The following CTNNBL1 variants were observed in gnomAD, a reference collection of about 807,000 sequenced individuals.
CTNNBL1 encodes beta-catenin-like protein 1.
CTNNBL1 carries 31 observed loss-of-function variants against 72.7 expected under a neutral mutation model. The observed-to-expected ratio is 0.43, with a 90% CI of 0.32 to 0.58. CTNNBL1 has a LOEUF of 0.58. CTNNBL1 is among the 20% of genes least tolerant of loss of function. CTNNBL1 has a pLI of 0.08. For synonymous variants in CTNNBL1, 240 were observed against 267.3 expected (o/e 0.90, Z 1.00); for missense variants, 534 against 725.1 (o/e 0.74, Z 3.03).
At chr20:37,822,690 T>G (rs562035278) in intron 11 of CTNNBL1, among the ~76,000 whole-genome samples, 1 of 152,324 alleles carries the variant, frequency 6.6e-6, no homozygotes, top group South Asian at 2.1e-4. Context: ...TGAAGTGAGA[T>G]CAAAGACTCT....
chr20:37,852,204 C>T (rs1444614680), intron 13 of CTNNBL1, among the ~76,000 whole-genome samples: 5 of 152,268 alleles, frequency 3.3e-5, no homozygotes, highest in African/African-American at 1.2e-4. Context: ...TACAGTCCAA[C>T]GTACATATAG....
At chr20:37,719,330 C>A (rs1237436756) in intron 1 of CTNNBL1, among the ~76,000 whole-genome samples, 1 of 152,142 alleles carries the variant, frequency 6.6e-6, no homozygotes, top group Non-Finnish European at 1.5e-5. Context: ...GTCCTCTTCC[C>A]TTGAATTATG....
chr20:37,727,801 C>G (rs1213516422), intron 1 of CTNNBL1, among the ~76,000 whole-genome samples: 1 of 152,194 alleles, frequency 6.6e-6, no homozygotes, highest in East Asian at 1.9e-4. Flanking sequence ...GTGTTACATT[C>G]TTTTTGTGGA....
intron 4 of CTNNBL1, among the ~76,000 whole-genome samples, chr20:37,752,481 A>G (rs1430955787): frequency 6.6e-6 from 1 of 152,034 alleles, no homozygotes; most frequent in Non-Finnish European, 1.5e-5. Context: ...CTGAATCTAT[A>G]CTGGTTTATT....
At chr20:37,845,104 CTTTTAGTAAGCCT>C (rs2072336267) in intron 13 of CTNNBL1, among the ~76,000 whole-genome samples, 1 of 152,124 alleles carries the variant, frequency 6.6e-6, no homozygotes, top group African/African-American at 2.4e-5. Flanking sequence ...TTTAGTAAGC[CTTTTAGTAAGCCT>C]TTTTAGTAAG....
chr20:37,792,743 G>A lies in CTNNBL1; in HGVS notation c.1032-10124G>A, dbSNP rs528670594. On this transcript the variant is annotated intron_variant, in intron 10 of 15. Coordinates refer to ENST00000361383, the MANE Select transcript of CTNNBL1 (RefSeq NM_030877.5). Reference sequence around the variant, plus strand: ...GGATACTCAAAGGATACCCCTAAGGGATACCCCTAAGGGATACTCAACCTG... The same window carrying A: ...GGATACTCAAAGGATACCCCTAAGGAATACCCCTAAGGGATACTCAACCTG... 3.3e-5 allele frequency among the ~76,000 whole-genome samples: 5 copies of A among 152,262 alleles called. No individual in the cohort carries two copies. In the East Asian group the frequency reaches 9.6e-4, roughly 29 times the overall value.
chr20:37,840,100 AGAGCAT>A lies in CTNNBL1; in HGVS notation c.1214_1219del (p.Glu405_His406del), dbSNP rs753635135. 51 of 1,611,578 alleles carry A rather than the reference AGAGCAT, an allele frequency of 3.2e-5. No individual in the cohort carries two copies. Among genetic ancestry groups the A allele is most frequent in the Non-Finnish European group, 4.2e-5 (50 of 1,177,882 alleles). On this transcript the variant is annotated splice_acceptor_variant and coding_sequence_variant, in exon 12 of 16. Transcript: ENST00000361383. LOFTEE classifies it high-confidence loss of function. ...TGTTCTCTTTTCTCTTTCCCAACCC[AGAGCAT>A]GTCTGTTCGATCCTGGCTTCCCTCC...
At chr20:37,776,590 AT>A (rs2122686609) in intron 7 of CTNNBL1, among the ~76,000 whole-genome samples, 1 of 152,260 alleles carries the variant, frequency 6.6e-6, no homozygotes, top group African/African-American at 2.4e-5. Flanking sequence ...ATGCACCTTT[AT>A]CCAGGGGGCA....
At chr20:37,760,491 T>G (rs1169761825) in intron 5 of CTNNBL1, among the ~76,000 whole-genome samples, 1 of 152,238 alleles carries the variant, frequency 6.6e-6, no homozygotes, top group Non-Finnish European at 1.5e-5. Flanking sequence ...ATTCTGGCAC[T>G]TGTCACATTG....
intron 4 of CTNNBL1, 172 bp downstream of exon 4, chr20:37,746,779 G>T: frequency 1.1e-6 from 1 of 913,646 alleles, no homozygotes; most frequent in Non-Finnish European, 1.7e-6. Context: ...TGAAAACCTG[G>T]TTTTTCTCTA....
intron 15 of CTNNBL1, among the ~76,000 whole-genome samples, chr20:37,861,578 T>C (rs971557639): frequency 2.6e-5 from 4 of 152,226 alleles, no homozygotes; most frequent in African/African-American, 9.7e-5. Context: ...TCAGAGAGCT[T>C]ACCTTTCAGT....
chr20:37,723,103 G>T (rs1323971065), intron 1 of CTNNBL1, among the ~76,000 whole-genome samples: 3 of 152,210 alleles, frequency 2.0e-5, no homozygotes, highest in African/African-American at 7.2e-5. Context: ...AATCAGAGCA[G>T]ATGTCAAAGT....
intron 10 of CTNNBL1, among the ~76,000 whole-genome samples, chr20:37,787,271 G>A (rs2073683544): frequency 6.7e-6 from 1 of 150,310 alleles, no homozygotes; most frequent in Non-Finnish European, 1.5e-5. Context: ...ATAGGCACCT[G>A]CTACCACACA....
chr20:37,797,309 C>T (rs971195234), intron 10 of CTNNBL1, among the ~76,000 whole-genome samples: 82 of 145,596 alleles, frequency 5.6e-4, no homozygotes, highest in African/African-American at 1.0e-3. Context: ...TTTCTTGCCA[C>T]GATTAGTTTA....
intron 11 of CTNNBL1, among the ~76,000 whole-genome samples, chr20:37,822,526 T>C (rs2072117744): frequency 6.6e-6 from 1 of 152,244 alleles, no homozygotes; most frequent in Non-Finnish European, 1.5e-5. Flanking sequence ...CAAAGGGACA[T>C]TGGAGTTTCA....
At chr20:37,708,595 C>T (rs575141247) in intron 1 of CTNNBL1, among the ~76,000 whole-genome samples, 39 of 152,274 alleles carry the variant, frequency 2.6e-4, no homozygotes, top group Admixed American at 1.0e-3. Context: ...CATAGAATTC[C>T]AGCAGTGACT....
At chr20:37,806,938 G>A (rs1246269442) in intron 11 of CTNNBL1, among the ~76,000 whole-genome samples, 2 of 152,132 alleles carry the variant, frequency 1.3e-5, no homozygotes, top group African/African-American at 4.8e-5. Context: ...ACCTGTAGGT[G>A]ACATTTATTT....
chr20:37,865,740 G>A (rs1472246736), intron 15 of CTNNBL1, among the ~76,000 whole-genome samples: 2 of 152,236 alleles, frequency 1.3e-5, no homozygotes, highest in African/African-American at 4.8e-5. Context: ...GGTGAAAGTT[G>A]TTGGAGGACC....
At chr20:37,803,558 CA>C (rs1179403064) in intron 11 of CTNNBL1, among the ~76,000 whole-genome samples, 1 of 152,154 alleles carries the variant, frequency 6.6e-6, no homozygotes, top group East Asian at 1.9e-4. Context: ...ACGCTGTAAC[CA>C]GAGTAGTTAC....
Sources: allele counts gnomAD v4.1 joint callset (sites outside exome capture counted in the v4.1 genomes callset), GRCh38; gene constraint gnomAD v4.1.1; transcripts MANE v1.5; gene names NCBI Gene and HGNC (gene_info 2026-07-23, HGNC 2026-07-21).